The following CCDC15 variants were observed in gnomAD, a reference collection of about 807,000 sequenced individuals.
The protein encoded by CCDC15 is coiled-coil domain-containing protein 15.
Under a neutral mutation model 114.5 loss-of-function variants are expected in CCDC15, and 105 were observed. The observed-to-expected ratio is 0.92, with a 90% CI of 0.78 to 1.08. CCDC15 has a LOEUF of 1.08. Ranked by LOEUF, CCDC15 falls within the 50% of genes least tolerant of loss-of-function variation. The probability of loss-of-function intolerance (pLI) is 0.00; values close to 1 mark genes in which losing one functional copy is unlikely to be tolerated. For missense variants in CCDC15, 1,105 were observed against 1,093.6 expected (o/e 1.01, Z -0.15); for synonymous variants, 334 against 377.8 (o/e 0.88, Z 1.34).
chr11:124,983,477 C>T (rs187390844), intron 6 of CCDC15, among the ~76,000 whole-genome samples: 4 of 151,452 alleles, frequency 2.6e-5, no homozygotes, highest in Non-Finnish European at 4.4e-5. Context: ...TCTTTGATGT[C>T]CTTGGGGGTT....
At chr11:124,978,435 C>T (rs112570234) in intron 6 of CCDC15, among the ~76,000 whole-genome samples, 62 of 152,202 alleles carry the variant, frequency 4.1e-4, no homozygotes, top group African/African-American at 1.4e-3. Context: ...GAAAAATCAC[C>T]AAACTGCTTT....
chr11:125,026,740 A>G (rs772516186), intron 13 of CCDC15, among the ~76,000 whole-genome samples: 2 of 151,996 alleles, frequency 1.3e-5, no homozygotes, highest in African/African-American at 2.4e-5. Context: ...TATTCTTTAA[A>G]TTTTATTTTA....
intron 4 of CCDC15, among the ~76,000 whole-genome samples, chr11:124,966,453 G>T (rs1406749322): frequency 2.0e-5 from 3 of 149,696 alleles, no homozygotes; most frequent in Non-Finnish European, 4.4e-5. Context: ...GACTAGGATT[G>T]CAACCCCTGC....
chr11:125,004,705 G>C (rs1948531169), intron 12 of CCDC15, among the ~76,000 whole-genome samples: 1 of 151,940 alleles, frequency 6.6e-6, no homozygotes, highest in African/African-American at 2.4e-5. Context: ...GCCATGTTAG[G>C]CTAGGCTTAG....
rs143938781 is a variant in CCDC15 at position 124,971,438 on chromosome 11, G to A, written c.517-3658G>A. 2.4e-3 allele frequency among the ~76,000 whole-genome samples: 370 copies of A among 152,310 alleles called. 2 individuals carry two copies. The highest frequency in any genetic ancestry group is 8.6e-3 in the African/African-American group (358 of 41,580). ...GCTGGATGGAGAATGACTTTGATGA[G>A]TTGACAGAAGTAGGCTTCAGAAGGT... On this transcript the variant is annotated intron_variant, in intron 4 of 15. Transcript: ENST00000344762.
intron 13 of CCDC15, among the ~76,000 whole-genome samples, chr11:125,035,455 C>A (rs1053540674): frequency 1.7e-4 from 25 of 151,466 alleles, no homozygotes; most frequent in African/African-American, 3.9e-4. Flanking sequence ...TTATTTTCAG[C>A]CTATATGTGT....
chr11:124,966,544 G>A (rs7936861), intron 4 of CCDC15, among the ~76,000 whole-genome samples: 1 of 151,768 alleles, frequency 6.6e-6, no homozygotes, highest in Middle Eastern at 3.4e-3. Flanking sequence ...GCCTCTGCAC[G>A]TGTGATGGGT....
In CCDC15 at chr11:124,961,768, C is replaced by T. The variant is rs190490366; in HGVS notation, c.516+1765C>T. ...ATCAAATTCCTGAGCTCAAGGGATC[C>T]GCCTGCCTTGGCCTCCCAAAGTGCT... On this transcript the variant is annotated intron_variant, in intron 4 of 15. Coordinates refer to ENST00000344762, the MANE Select transcript of CCDC15 (RefSeq NM_025004.3). 1.8e-3 allele frequency among the ~76,000 whole-genome samples: 279 copies of T among 152,166 alleles called. 4 individuals carry two copies. Among genetic ancestry groups the T allele is most frequent in the African/African-American group, 1.9e-3 (79 of 41,508 alleles).
At chr11:125,034,639 G>T (rs1023270961) in intron 13 of CCDC15, among the ~76,000 whole-genome samples, 1 of 152,084 alleles carries the variant, frequency 6.6e-6, no homozygotes, top group East Asian at 1.9e-4. Context: ...TTATGTACAG[G>T]GTCACTAAAC....
chr11:125,007,899 G>T (rs1480710135), intron 13 of CCDC15, among the ~76,000 whole-genome samples: 1 of 152,170 alleles, frequency 6.6e-6, no homozygotes, highest in African/African-American at 2.4e-5. Flanking sequence ...AGGTCGTTTG[G>T]TTCTATACCT....
intron 13 of CCDC15, among the ~76,000 whole-genome samples, chr11:125,029,216 A>G (rs1048277984): frequency 1.1e-4 from 16 of 152,166 alleles, no homozygotes; most frequent in Admixed American, 3.9e-4. Context: ...TCCTTTGGCA[A>G]CACCCTCACA....
intron 13 of CCDC15, among the ~76,000 whole-genome samples, chr11:125,014,683 G>A (rs984780448): frequency 5.9e-5 from 9 of 152,152 alleles, no homozygotes; most frequent in Non-Finnish European, 1.3e-4. Context: ...AAACTTAACA[G>A]TACCAGATAG....
intron 14 of CCDC15, 51 bp downstream of exon 14, chr11:125,038,655 G>GC (rs1363960174): frequency 7.2e-7 from 1 of 1,386,966 alleles, no homozygotes; most frequent in Non-Finnish European, 9.6e-7. Flanking sequence ...AGACTTGGTA[G>GC]AACTCATTGT....
At chr11:124,971,780 C>T (rs920543828) in intron 4 of CCDC15, among the ~76,000 whole-genome samples, 3 of 152,048 alleles carry the variant, frequency 2.0e-5, no homozygotes, top group Non-Finnish European at 2.9e-5. Flanking sequence ...CAACTATTTG[C>T]ATTCTTTTAG....
intron 11 of CCDC15, among the ~76,000 whole-genome samples, chr11:124,995,208 C>T (rs936248550): frequency 1.3e-5 from 2 of 152,164 alleles, no homozygotes; most frequent in South Asian, 4.1e-4. Flanking sequence ...AAGTCGGTCC[C>T]TTCTTATCCT....
intron 2 of CCDC15, among the ~76,000 whole-genome samples, chr11:124,956,058 G>T (rs746336452): frequency 2.7e-4 from 41 of 152,146 alleles, no homozygotes; most frequent in Non-Finnish European, 5.4e-4. Flanking sequence ...ATCGATTGGA[G>T]TGGAAAGCTT....
chr11:125,019,799 G>A (rs1948650304), intron 13 of CCDC15, among the ~76,000 whole-genome samples: 1 of 151,962 alleles, frequency 6.6e-6, no homozygotes. Flanking sequence ...TCCAAGTAGA[G>A]AGTACCAGTA....
At chr11:125,038,195 C>T (rs537084880) in intron 13 of CCDC15, 34 of 278,280 alleles carry the variant, frequency 1.2e-4, no homozygotes, top group African/African-American at 6.9e-4. Context: ...GCTGGGATTA[C>T]AGGCATGAGC....
rs759425958 is a variant in CCDC15 at position 125,038,520 on chromosome 11, A to C, written c.2501A>C (p.Lys834Thr). 6.3e-7 allele frequency: 1 copy of C among 1,587,818 alleles called. No homozygotes were observed. The highest frequency in any genetic ancestry group is 1.3e-5 in the African/African-American group (1 of 74,404). ...NFHEDPYSGE[K>T]LSEILAQLQL... ...CATGAAGATCCATATTCAGGAGAGA[A>C]GTTGAGTGAGATATTAGCCCAGTTA... The change falls in exon 14 of 16, where the codon AAG becomes ACG. Residue 834 changes from lysine to threonine, a missense_variant. Transcript: ENST00000344762.
Sources: gnomAD v4.1 joint callset for allele counts (sites outside exome capture counted in the v4.1 genomes callset) on GRCh38, gnomAD v4.1.1 for gene constraint, MANE v1.5 for transcripts, NCBI Gene and HGNC (gene_info 2026-07-23, HGNC 2026-07-21) for gene names.